The following HELB variants were observed in gnomAD, a reference collection of about 807,000 sequenced individuals.
HELB encodes the protein DNA helicase B, also known as DNA 5'-3' helicase B.
Under a neutral mutation model 101.7 loss-of-function variants are expected in HELB, and 96 were observed. That is an observed-to-expected ratio of 0.94 (90% CI 0.80 to 1.12). The LOEUF (loss-of-function observed/expected upper bound fraction) is 1.12, where lower values mean the gene tolerates loss of function less well. HELB is among the 50% of genes most tolerant of loss of function. HELB has a pLI of 0.00. For missense variants in HELB, 1,210 were observed against 1,291.9 expected (o/e 0.94, Z 0.97); for synonymous variants, 437 against 459.7 (o/e 0.95, Z 0.63).
At chr12:66,329,981 C>G (rs1438263594) in intron 11 of HELB, among the ~76,000 whole-genome samples, 1 of 152,214 alleles carries the variant, frequency 6.6e-6, no homozygotes, top group Admixed American at 6.5e-5. Context: ...ATCTGAGGAG[C>G]TGCTTCAAAC....
At chr12:66,337,635 A>T (rs539608772) in intron 12 of HELB, among the ~76,000 whole-genome samples, 6 of 151,616 alleles carry the variant, frequency 4.0e-5, no homozygotes, top group Admixed American at 3.9e-4. Context: ...AAAAAAAAAA[A>T]GTTCTGTAAT....
chr12:66,321,995 A>C lies in HELB; in HGVS notation c.2203A>C (p.Asn735His). Residue 735 changes from asparagine to histidine, a missense_variant, in exon 8 of 13, where the codon AAT becomes CAT. Physicochemically the swap from Asn to His is moderately conservative, Grantham distance 68. Transcript: ENST00000247815. ...KTLLQENNLQ[N>H]AKTSQFIAFR... is the part of the protein sequence containing the mutation. Reference sequence around the variant, plus strand: ...TTTACTACAAGAAAATAACTTACAAAATGCAAAAACATCACAATTTATTGC... The same window carrying C: ...TTTACTACAAGAAAATAACTTACAACATGCAAAAACATCACAATTTATTGC... 1 of 1,182,098 alleles carries C rather than the reference A, an allele frequency of 8.5e-7. No individual in the cohort carries two copies. Among genetic ancestry groups the C allele is most frequent in the Non-Finnish European group, 1.2e-6 (1 of 817,484 alleles). 73.2% of individuals were successfully genotyped at this position (1,182,098 alleles called of 1,614,324 possible).
intron 11 of HELB, among the ~76,000 whole-genome samples, chr12:66,327,164 C>T (rs1327337978): frequency 2.7e-5 from 4 of 150,168 alleles, no homozygotes; most frequent in Non-Finnish European, 4.4e-5. Flanking sequence ...CAGCCATGCC[C>T]GCTTCCCTGT....
intron 13 of HELB, chr12:66,343,261 T>C (rs2053930510): frequency 6.6e-6 from 1 of 152,208 alleles, no homozygotes; most frequent in Non-Finnish European, 1.5e-5. Flanking sequence ...ATCTTCTGAC[T>C]CATGAACACA....
At chr12:66,316,911 C>T (rs988527234) in intron 6 of HELB, among the ~76,000 whole-genome samples, 11 of 149,472 alleles carry the variant, frequency 7.4e-5, no homozygotes, top group African/African-American at 2.7e-4. Context: ...CCCAGCTACT[C>T]GGGAGGCTGA....
chr12:66,307,231 C>T (rs1262260474), intron 3 of HELB, among the ~76,000 whole-genome samples: 1 of 152,100 alleles, frequency 6.6e-6, no homozygotes, highest in East Asian at 1.9e-4. Flanking sequence ...AGGAATTTTT[C>T]CCTTACATAA....
chr12:66,305,271 T>C (rs1476900775), intron 2 of HELB, 121 bp downstream of exon 2: 1 of 681,960 alleles, frequency 1.5e-6, no homozygotes, highest in East Asian at 2.8e-5. Flanking sequence ...AAAATGTGTT[T>C]ATGTTGCTTT....
chr12:66,331,418 A>G lies in HELB; in HGVS notation c.2935A>G (p.Ser979Gly). ...GAGCTCTGGAGACAGTGGAGGACCC[A>G]GCACACCGTCAGCATCTCCACTCCC... ...RKSSGDSGGP[S>G]TPSASPLPVV... The change falls in exon 12 of 13, where the codon AGC becomes GGC. Residue 979 changes from serine to glycine, a missense_variant. Physicochemically the swap from Ser to Gly is moderately conservative, Grantham distance 56 (BLOSUM62 0). This residue lies in a region of HELB where 740 missense variants were observed against 728.8 expected (regional missense o/e 1.02). Coordinates refer to ENST00000247815, the MANE Select transcript of HELB (RefSeq NM_001370285.1). The G allele has an allele frequency of 6.2e-7, 1 of 1,614,224 alleles. No individual in the cohort carries two copies.
Position 66,331,150 on chromosome 12 carries a change from C to T in HELB, c.2671-4C>T. ...TAGTCTTCACACCATATTTTTCCTG[C>T]CAGGGGTCCGAGGAGCAAACAGTTG... On this transcript the variant is annotated splice_region_variant and splice_polypyrimidine_tract_variant and intron_variant, in intron 11 of 12. Coordinates refer to ENST00000247815, the MANE Select transcript of HELB (RefSeq NM_001370285.1). 1 of 1,590,762 alleles carries T rather than the reference C, an allele frequency of 6.3e-7. No homozygotes were observed. Among genetic ancestry groups the T allele is most frequent in the East Asian group, 2.2e-5 (1 of 44,596 alleles).
intron 11 of HELB, among the ~76,000 whole-genome samples, chr12:66,329,947 AG>A (rs2053785871): frequency 6.6e-6 from 1 of 152,218 alleles, no homozygotes; most frequent in Non-Finnish European, 1.5e-5. Flanking sequence ...AACATCGGAA[AG>A]ATGTATTTAT....
At chr12:66,306,110 ATTAT>A (rs1386309069) in intron 2 of HELB, among the ~76,000 whole-genome samples, 2 of 152,246 alleles carry the variant, frequency 1.3e-5, no homozygotes, top group African/African-American at 4.8e-5. Context: ...CTAAGAAATC[ATTAT>A]TTAAGCATTT....
chr12:66,329,389 T>A (rs1031134986), intron 11 of HELB, among the ~76,000 whole-genome samples: 1 of 152,060 alleles, frequency 6.6e-6, no homozygotes, highest in African/African-American at 2.4e-5. Context: ...AAGTACAGGG[T>A]GCTGGAGAGT....
chr12:66,310,637 T>A (rs773421189), intron 4 of HELB, 29 bp downstream of exon 4: 1 of 1,582,992 alleles, frequency 6.3e-7, no homozygotes, highest in Non-Finnish European at 8.6e-7. Flanking sequence ...CATCTGTAGA[T>A]AAAACATTTG....
Position 66,314,018 on chromosome 12 carries a change from A to G in HELB, c.1713A>G (p.Thr571=). 2 of 1,613,826 alleles carry G rather than the reference A, an allele frequency of 1.2e-6. No homozygotes were observed. The highest frequency in any genetic ancestry group is 1.7e-6 in the Non-Finnish European group (2 of 1,179,782). The change falls in exon 5 of 13, where the codon ACA becomes ACG. Residue 571 remains threonine (T), a synonymous_variant. Coordinates refer to ENST00000247815, the MANE Select transcript of HELB (RefSeq NM_001370285.1). ...VNYSFYSWTQ[T]MMTTNKPWKF... is the part of the protein sequence containing the mutation. Reference sequence around the variant, plus strand: ...ATAGCTTCTATTCATGGACTCAAACAATGATGACCACAAACAAACCATGGA... The same window carrying G: ...ATAGCTTCTATTCATGGACTCAAACGATGATGACCACAAACAAACCATGGA...
intron 7 of HELB, among the ~76,000 whole-genome samples, chr12:66,319,626 T>C (rs1255948094): frequency 6.6e-6 from 1 of 152,182 alleles, no homozygotes; most frequent in Non-Finnish European, 1.5e-5. Context: ...TTTCTCAAAA[T>C]TGAATTAGTA....
intron 6 of HELB, among the ~76,000 whole-genome samples, chr12:66,318,169 A>G (rs753819453): frequency 2.0e-5 from 3 of 152,204 alleles, no homozygotes; most frequent in Non-Finnish European, 2.9e-5. Flanking sequence ...ATTTATATAG[A>G]AAGGGGTATG....
chr12:66,339,108 A>G (rs926979011), downstream of HELB: 2 of 152,204 alleles, frequency 1.3e-5, no homozygotes, highest in Non-Finnish European at 2.9e-5. Context: ...TGTGAGAGTT[A>G]TTTATATCCC....
In HELB at chr12:66,304,859, G is replaced by A; in HGVS notation, c.316G>A (p.Val106Ile). ...GGGATCAAGGAGCTATCAATATCAA[G>A]TTCAAGGATTTCCGTCTTACTTTTT... is the stretch of plus-strand genomic sequence containing the variant. ...VVGSRSYQYQ[V>I]QGFPSYFLQS... Residue 106 changes from valine (V) to isoleucine (I), a missense_variant, in exon 2 of 13, where the codon GTT becomes ATT. Val to Ile is a conservative substitution (Grantham distance 29, BLOSUM62 3). Transcript: ENST00000247815. 1 of 1,614,122 alleles carries A rather than the reference G, an allele frequency of 6.2e-7. No homozygotes were observed. The highest frequency in any genetic ancestry group is 1.1e-5 in the South Asian group (1 of 91,078).
Position 66,309,874 on chromosome 12 carries a change from A to C in HELB, c.946A>C (p.Asn316His). 6.2e-7 allele frequency: 1 copy of C among 1,614,174 alleles called. No homozygotes were observed. Among genetic ancestry groups the C allele is most frequent in the Admixed American group, 1.7e-5 (1 of 60,028 alleles). ...AGATGGGCACACATATGTTGAAGTG[A>C]ATGACTTAACTTTGACATTGTCAAA... ...REDGHTYVEV[N>H]DLTLTLSNHM... is the part of the protein sequence containing the mutation. Residue 316 changes from asparagine to histidine, a missense_variant, in exon 4 of 13, where the codon AAT (asparagine) becomes CAT (histidine). Asn to His is a moderately conservative substitution (Grantham distance 68). This residue lies in a region of HELB where 470 missense variants were observed against 563.1 expected (regional missense o/e 0.83). Coordinates refer to ENST00000247815, the MANE Select transcript of HELB (RefSeq NM_001370285.1).
Sources: allele counts gnomAD v4.1 joint callset (sites outside exome capture counted in the v4.1 genomes callset), GRCh38; gene constraint gnomAD v4.1.1; regional missense constraint gnomAD v4.1.1; transcripts MANE v1.5; gene names NCBI Gene and HGNC (gene_info 2026-07-23, HGNC 2026-07-21).